CTNNA2: variants seen among roughly 807,000 people sequenced by gnomAD.
CTNNA2 encodes the protein catenin alpha 2.
Under a neutral mutation model 101.0 loss-of-function variants are expected in CTNNA2, and 42 were observed. That is an observed-to-expected ratio of 0.42 (90% CI 0.32 to 0.54). CTNNA2 has a LOEUF of 0.54. Among genes scored for constraint, CTNNA2 ranks in the 20% least tolerant of loss-of-function variants. CTNNA2 has a pLI of 0.14. For synonymous variants in CTNNA2, 450 were observed against 456.4 expected, an observed-to-expected ratio of 0.99 and a Z score of 0.18; for missense variants, 871 against 1,223.1, an observed-to-expected ratio of 0.71 and a Z score of 4.29.
intron 7 of CTNNA2, among the ~76,000 whole-genome samples, chr2:80,080,054 C>T (rs1164919042): frequency 1.3e-5 from 2 of 152,116 alleles, no homozygotes; most frequent in South Asian, 2.1e-4. Flanking sequence ...AAGTTCACTG[C>T]TCCAGGTTGG....
chr2:80,617,080 T>C (rs986286421), intron 17 of CTNNA2, among the ~76,000 whole-genome samples: 3 of 151,814 alleles, frequency 2.0e-5, no homozygotes, highest in East Asian at 3.9e-4. Flanking sequence ...GGGAGAATTG[T>C]ACCATCTGTA....
In CTNNA2 at chr2:79,939,728, A is replaced by G. The variant is rs544714283; in HGVS notation, c.1056+29931A>G. ...CAATGAATGATCTTACATATTAGCA[A>G]TAATCAATTAGAAAATATAAAGAAA... On this transcript the variant is annotated intron_variant, in intron 7 of 18. Transcript: ENST00000402739. Among the ~76,000 whole-genome samples the G allele has an allele frequency of 3.9e-5, 6 of 152,368 alleles. No individual in the cohort carries two copies. In the South Asian group the frequency reaches 1.2e-3, roughly 32 times the overall value.
At chr2:80,551,150 C>T (rs2149647059) in intron 11 of CTNNA2, among the ~76,000 whole-genome samples, 1 of 152,270 alleles carries the variant, frequency 6.6e-6, no homozygotes, top group Admixed American at 6.5e-5. Context: ...TGAGCAATAA[C>T]ATTTTGAAAA....
chr2:79,674,361 T>C (rs1683049795), intron 2 of CTNNA2, among the ~76,000 whole-genome samples: 1 of 152,222 alleles, frequency 6.6e-6, no homozygotes, highest in South Asian at 2.1e-4. Context: ...CCTGTCATCT[T>C]CCATCTTTGC....
At chr2:79,194,752 C>T (rs1673936693) in intron 1 of CTNNA2, among the ~76,000 whole-genome samples, 1 of 152,144 alleles carries the variant, frequency 6.6e-6, no homozygotes, top group Non-Finnish European at 1.5e-5. Flanking sequence ...TGGGCTGCCT[C>T]TACTTTCCAC....
chr2:79,186,180 C>T (rs1673776943), intron 1 of CTNNA2, among the ~76,000 whole-genome samples: 2 of 152,302 alleles, frequency 1.3e-5, no homozygotes, highest in Non-Finnish European at 2.9e-5. Flanking sequence ...AAAACTCACA[C>T]TTTACACTTG....
intron 7 of CTNNA2, among the ~76,000 whole-genome samples, chr2:80,294,685 C>T (rs888478799): frequency 6.6e-6 from 1 of 152,060 alleles, no homozygotes. Flanking sequence ...CAAGGCCACA[C>T]CCCAGACCAG....
chr2:80,471,050 C>T (rs1685263594), intron 9 of CTNNA2, among the ~76,000 whole-genome samples: 1 of 152,152 alleles, frequency 6.6e-6, no homozygotes, highest in South Asian at 2.1e-4. Flanking sequence ...AGAGCCAGAT[C>T]ATAAAGGTCC....
At chr2:80,574,350 T>C in intron 13 of CTNNA2, 36 bp downstream of exon 13, 1 of 1,537,682 alleles carries the variant, frequency 6.5e-7, no homozygotes, top group East Asian at 2.3e-5. Context: ...GCTGGTCAGA[T>C]CTCCTAGTAG....
Position 80,222,404 on chromosome 2 carries a change from T to C in CTNNA2, c.1057-170807T>C, listed in dbSNP as rs930458858. Among the ~76,000 whole-genome samples, 4 of 152,200 alleles carry C rather than the reference T, an allele frequency of 2.6e-5. No individual in the cohort carries two copies. The East Asian group carries it at 7.7e-4, about 29-fold the overall frequency. ...TTAAATATTAAATTTGCTGTTTATA[T>C]TTGCAAATCTTATATAATGCAAAGA... On this transcript the variant is annotated intron_variant, in intron 7 of 18. Coordinates refer to ENST00000402739, the MANE Select transcript of CTNNA2 (RefSeq NM_001282597.3).
intron 3 of CTNNA2, among the ~76,000 whole-genome samples, chr2:79,846,223 C>A (rs2103873514): frequency 6.6e-6 from 1 of 152,272 alleles, no homozygotes; most frequent in East Asian, 1.9e-4. Flanking sequence ...TATCTTTAAT[C>A]AACTTTTCTC....
chr2:80,074,669 T>TA (rs1323483166), intron 7 of CTNNA2, among the ~76,000 whole-genome samples: 1 of 152,178 alleles, frequency 6.6e-6, no homozygotes, highest in Non-Finnish European at 1.5e-5. Context: ...ATTTGTGTAT[T>TA]AGACGCTGCT....
chr2:79,844,485 T>C (rs912247614), intron 3 of CTNNA2, among the ~76,000 whole-genome samples: 3 of 152,228 alleles, frequency 2.0e-5, no homozygotes, highest in Non-Finnish European at 4.4e-5. Context: ...TTATTTTGTC[T>C]GAGTTAGTGG....
At chr2:80,038,857 A>T (rs1433529113) in intron 7 of CTNNA2, among the ~76,000 whole-genome samples, 6 of 152,090 alleles carry the variant, frequency 3.9e-5, no homozygotes, top group Admixed American at 3.3e-4. Context: ...TCAAAAAATA[A>T]AATAATAAAA....
chr2:79,746,199 A>C (rs1343855019), intron 3 of CTNNA2, among the ~76,000 whole-genome samples: 1 of 151,920 alleles, frequency 6.6e-6, no homozygotes, highest in East Asian at 1.9e-4. Context: ...GCATTTGACT[A>C]TTTTTTTCGG....
intron 3 of CTNNA2, among the ~76,000 whole-genome samples, chr2:79,786,074 G>A (rs544693323): frequency 3.3e-5 from 5 of 152,222 alleles, no homozygotes; most frequent in African/African-American, 1.2e-4. Context: ...GTTATTGATT[G>A]GAAGAGGTCT....
chr2:79,709,195 C>G (rs552111395), intron 2 of CTNNA2, among the ~76,000 whole-genome samples: 1 of 152,282 alleles, frequency 6.6e-6, no homozygotes, highest in African/African-American at 2.4e-5. Context: ...GGTGACAGCT[C>G]TTACATTTAA....
chr2:79,656,149 C>T (rs547017485), intron 2 of CTNNA2, among the ~76,000 whole-genome samples: 1 of 152,218 alleles, frequency 6.6e-6, no homozygotes, highest in Non-Finnish European at 1.5e-5. Flanking sequence ...GATATTACTT[C>T]CCTACAATAC....
intron 3 of CTNNA2, among the ~76,000 whole-genome samples, chr2:79,372,074 T>C (rs1030139438): frequency 6.6e-6 from 1 of 151,524 alleles, no homozygotes; most frequent in East Asian, 2.0e-4. Flanking sequence ...ACCTGGGCCC[T>C]TGCCTGGACA....
Sources: gnomAD v4.1 joint callset for allele counts (sites outside exome capture counted in the v4.1 genomes callset) on GRCh38, gnomAD v4.1.1 for gene constraint, MANE v1.5 for transcripts, NCBI Gene and HGNC (gene_info 2026-07-23, HGNC 2026-07-21) for gene names.